The following MYH11 variants were observed in gnomAD, a reference collection of about 807,000 sequenced individuals.
MYH11 encodes myosin-11.
Under a neutral mutation model 246.6 loss-of-function variants are expected in MYH11, and 80 were observed. The observed-to-expected ratio is 0.32, with a 90% CI of 0.27 to 0.39. MYH11 has a LOEUF of 0.39. Among genes scored for constraint, MYH11 ranks in the 10% least tolerant of loss-of-function variants. The probability of loss-of-function intolerance (pLI) is 1.00; values close to 1 mark genes in which losing one functional copy is unlikely to be tolerated. For missense variants in MYH11, 2,158 were observed against 2,546.8 expected (o/e 0.85, Z 3.29); for synonymous variants, 1,071 against 1,015.5 (o/e 1.05, Z -1.04).
chr16:15,855,548 A>G (rs1479476694), intron 1 of MYH11, among the ~76,000 whole-genome samples: 3 of 152,210 alleles, frequency 2.0e-5, no homozygotes, highest in African/African-American at 4.8e-5. Context: ...GCTGCCTTGT[A>G]TACTAAACAG....
intron 3 of MYH11, among the ~76,000 whole-genome samples, chr16:15,810,241 G>T (rs1040799010): frequency 2.6e-5 from 4 of 151,660 alleles, no homozygotes; most frequent in Admixed American, 2.6e-4. Context: ...CACTACATTG[G>T]CCAGGCTGGT....
chr16:15,703,808 T>G lies in MYH11; in HGVS notation c.*183A>C. The G allele has an allele frequency of 1.3e-6, 1 of 785,868 alleles. No individual in the cohort carries two copies. Among genetic ancestry groups the G allele is most frequent in the Non-Finnish European group, 2.1e-6 (1 of 470,854 alleles). 48.7% of individuals were successfully genotyped at this position (785,868 alleles called of 1,614,324 possible). On this transcript the variant is annotated 3_prime_UTR_variant, in exon 41 of 41. Transcript: ENST00000300036. ...TTACTACGTTGCCCAGGCTGGAGGG[T>G]GGTGGTTTTTATATTCCTTGTGTGA... is the stretch of plus-strand genomic sequence containing the variant.
chr16:15,734,488 C>G (rs1306839614), intron 26 of MYH11, among the ~76,000 whole-genome samples: 4 of 152,164 alleles, frequency 2.6e-5, no homozygotes, highest in African/African-American at 9.7e-5. Flanking sequence ...ATAGTAGAGA[C>G]AGGGTTTCAC....
chr16:15,717,424 G>A, intron 37 of MYH11, 76 bp from the exon 38 acceptor site: 1 of 1,476,326 alleles, frequency 6.8e-7, no homozygotes, highest in Non-Finnish European at 9.3e-7. Flanking sequence ...GCCTCTTCCT[G>A]CCTTGTTTGG....
intron 27 of MYH11, 180 bp downstream of exon 27, chr16:15,732,384 G>T: frequency 1.1e-6 from 1 of 930,816 alleles, no homozygotes; most frequent in Non-Finnish European, 1.6e-6. Flanking sequence ...ACAGGCGTGA[G>T]CCACCTCACC....
intron 6 of MYH11, among the ~76,000 whole-genome samples, chr16:15,782,024 G>A (rs2042367406): frequency 6.6e-6 from 1 of 152,028 alleles, no homozygotes; most frequent in Non-Finnish European, 1.5e-5. Context: ...GCCCATACCA[G>A]GTGCTCAATA....
Position 15,703,200 on chromosome 16 carries a change from C to T in MYH11, c.*791G>A, listed in dbSNP as rs1276893764. 3 of 205,890 alleles carry T rather than the reference C, an allele frequency of 1.5e-5. No individual in the cohort carries two copies. Among genetic ancestry groups the T allele is most frequent in the Non-Finnish European group, 3.0e-5 (3 of 100,748 alleles). 12.8% of individuals were successfully genotyped at this position (205,890 alleles called of 1,614,324 possible). A position where few individuals can be genotyped will look rare whatever the true frequency, so the allele number is the denominator to read the frequency against. Reference sequence around the variant, plus strand: ...CACAGTCAGGGTGTAAACAGTGCAGCATTCCTGCTCCCCTCCGTGGGAGCA... The same window carrying T: ...CACAGTCAGGGTGTAAACAGTGCAGTATTCCTGCTCCCCTCCGTGGGAGCA... On this transcript the variant is annotated 3_prime_UTR_variant, in exon 41 of 41. Coordinates refer to ENST00000300036, the MANE Select transcript of MYH11 (RefSeq NM_002474.3).
chr16:15,722,781 C>G (rs1418391822), intron 31 of MYH11, among the ~76,000 whole-genome samples: 2 of 152,210 alleles, frequency 1.3e-5, no homozygotes, highest in Non-Finnish European at 1.5e-5. Context: ...CACTCCATCA[C>G]TCAGGCTGGG....
At chr16:15,708,070 C>T (rs1034737128) in intron 40 of MYH11, among the ~76,000 whole-genome samples, 5 of 151,982 alleles carry the variant, frequency 3.3e-5, no homozygotes, top group African/African-American at 1.2e-4. Flanking sequence ...CTCCCCAGTC[C>T]CTGAACATGT....
rs986772452 is a variant in MYH11 at position 15,780,797 on chromosome 16, C to T, written c.726+1588G>A. On this transcript the variant is annotated intron_variant, in intron 6 of 40. Transcript: ENST00000300036. ...TCTGTGCCTGGTCTAGATTTTTATG[C>T]TTTTAAATGAAAGCATTAACAAGTG... Among the ~76,000 whole-genome samples, 25 of 151,942 alleles carry T rather than the reference C, an allele frequency of 1.6e-4. 1 individual carries two copies. Among genetic ancestry groups the T allele is most frequent in the South Asian group, 4.1e-4 (2 of 4,820 alleles).
Position 15,765,718 on chromosome 16 carries a change from G to A in MYH11, c.1034-1827C>T, listed in dbSNP as rs556914052. 6.8e-4 allele frequency among the ~76,000 whole-genome samples: 103 copies of A among 152,220 alleles called. 1 individual carries two copies. The highest frequency in any genetic ancestry group is 1.3e-3 in the Non-Finnish European group (90 of 68,030). ...AGCTCAGCAAAAGGACCCAGCTGCTGACCACCCATCCATTTGCTCCCACTT... is the reference window on the plus strand; with the variant it reads ...AGCTCAGCAAAAGGACCCAGCTGCTAACCACCCATCCATTTGCTCCCACTT... On this transcript the variant is annotated intron_variant, in intron 9 of 40. Transcript: ENST00000300036.
intron 4 of MYH11, among the ~76,000 whole-genome samples, chr16:15,797,783 G>C (rs1001252688): frequency 1.3e-5 from 2 of 152,190 alleles, no homozygotes; most frequent in African/African-American, 2.4e-5. Flanking sequence ...AGGTTGAACA[G>C]GGGAATGCTC....
In MYH11 at chr16:15,847,659, C is replaced by T. The variant is rs564272173; in HGVS notation, c.-18+9282G>A. Among the ~76,000 whole-genome samples the T allele has an allele frequency of 2.0e-5, 3 of 152,276 alleles. No individual in the cohort carries two copies. In the East Asian group the frequency reaches 5.8e-4, roughly 29 times the overall value. ...TAAAAGGACACGCACGCCTCCATTG[C>T]CTGGGACCCTGTCTAACCTCAGACT... On this transcript the variant is annotated intron_variant, in intron 1 of 40. Transcript: ENST00000300036.
chr16:15,803,826 C>T (rs958346481), intron 3 of MYH11, among the ~76,000 whole-genome samples: 12 of 152,154 alleles, frequency 7.9e-5, no homozygotes, highest in African/African-American at 2.9e-4. Context: ...CAGGAGAAGG[C>T]CTGGGAGCTG....
At chr16:15,807,728 G>A (rs775890117) in intron 3 of MYH11, among the ~76,000 whole-genome samples, 17 of 152,084 alleles carry the variant, frequency 1.1e-4, no homozygotes, top group Non-Finnish European at 2.2e-4. Flanking sequence ...CCTTAAACAT[G>A]CCTCTCTCCC....
At chr16:15,797,826 A>T (rs955264153) in intron 4 of MYH11, among the ~76,000 whole-genome samples, 2 of 152,068 alleles carry the variant, frequency 1.3e-5, no homozygotes, top group Admixed American at 1.3e-4. Flanking sequence ...TACTGTAAAC[A>T]AGTGTCCTTT....
rs2040394548 is a variant in MYH11, at chr16:15,720,231, C to T, written c.4873G>A (p.Asp1625Asn). ...AAAAKKKLEGDLKDLELQADS... is the reference protein window; with the variant it reads ...AAAAKKKLEGNLKDLELQADS... ...GCCTGAAGCTCCAGGTCTTTCAGGTCCCCTTCCAGCTTCTTCTTTGCTGCA... is the reference window on the plus strand; with the variant it reads ...GCCTGAAGCTCCAGGTCTTTCAGGTTCCCTTCCAGCTTCTTCTTTGCTGCA... The change falls in exon 34 of 41, where the codon GAC becomes AAC. Residue 1625 changes from aspartate (D) to asparagine (N), a missense_variant. Around this residue, in one of 11 missense-constraint regions of MYH11, gnomAD observed 1,013 missense variants for 993.5 expected, o/e 1.02. Coordinates refer to ENST00000300036, the MANE Select transcript of MYH11 (RefSeq NM_002474.3). The T allele has an allele frequency of 6.2e-7, 1 of 1,614,082 alleles. No individual in the cohort carries two copies. Among genetic ancestry groups the T allele is most frequent in the Non-Finnish European group, 8.5e-7 (1 of 1,180,004 alleles).
chr16:15,830,192 T>C (rs940771556), intron 2 of MYH11, among the ~76,000 whole-genome samples: 2 of 151,668 alleles, frequency 1.3e-5, no homozygotes, highest in Non-Finnish European at 2.9e-5. Context: ...ATCACCTGCC[T>C]GACTTGTGCA....
chr16:15,818,687 T>C (rs3915425), intron 3 of MYH11, among the ~76,000 whole-genome samples: 65,047 of 151,848 alleles, frequency 0.43, 16,684 homozygotes, highest in African/African-American at 0.73. Context: ...CCCCCCACCT[T>C]GGCCTCCCAA....
Sources: allele counts gnomAD v4.1 joint callset (sites outside exome capture counted in the v4.1 genomes callset), GRCh38; gene constraint gnomAD v4.1.1; regional missense constraint gnomAD v4.1.1; transcripts MANE v1.5; gene names NCBI Gene and HGNC (gene_info 2026-07-23, HGNC 2026-07-21).